Variants in FAM171B observed in about 807,000 individuals in gnomAD.
FAM171B encodes family with sequence similarity 171 member B, also known as protein FAM171B.
Under a neutral mutation model 75.6 loss-of-function variants are expected in FAM171B, and 19 were observed. That is an observed-to-expected ratio of 0.25 (90% confidence interval 0.18 to 0.37). FAM171B has a LOEUF of 0.37. Among genes scored for constraint, FAM171B ranks in the 10% least tolerant of loss-of-function variants. The pLI, the probability that FAM171B is intolerant of heterozygous loss-of-function variation, is 1.00. For missense variants in FAM171B, 848 were observed against 982.4 expected, an observed-to-expected ratio of 0.86 and a Z score of 1.83; for synonymous variants, 367 against 361.7, an observed-to-expected ratio of 1.01 and a Z score of -0.17.
intron 1 of FAM171B, among the ~76,000 whole-genome samples, chr2:186,696,015 G>C (rs558961035): frequency 6.6e-6 from 1 of 152,062 alleles, no homozygotes; most frequent in South Asian, 2.1e-4. Context: ...TATATGTTGT[G>C]ATTAGGGTTA....
At chr2:186,745,614 A>T (rs560106590) in intron 3 of FAM171B, among the ~76,000 whole-genome samples, 48 of 152,354 alleles carry the variant, frequency 3.2e-4, no homozygotes, top group Non-Finnish European at 6.2e-4. Context: ...AAAAATACAT[A>T]TCCTTACTGC....
intron 3 of FAM171B, among the ~76,000 whole-genome samples, chr2:186,744,236 T>C (rs555918552): frequency 6.6e-6 from 1 of 152,328 alleles, no homozygotes; most frequent in East Asian, 1.9e-4. Flanking sequence ...TTGTTTTGTA[T>C]TGGTAAATTC....
intron 2 of FAM171B, among the ~76,000 whole-genome samples, chr2:186,743,203 G>C (rs1043399777): frequency 6.6e-6 from 1 of 152,134 alleles, no homozygotes; most frequent in Non-Finnish European, 1.5e-5. Flanking sequence ...TGGGGTTACA[G>C]AACATCATTC....
At chr2:186,720,798 A>G (rs1220079044) in intron 1 of FAM171B, among the ~76,000 whole-genome samples, 1 of 152,002 alleles carries the variant, frequency 6.6e-6, no homozygotes, top group African/African-American at 2.4e-5. Context: ...AGACATTTCT[A>G]ATACGGGAAG....
At chr2:186,724,771 C>G (rs1189238888) in intron 1 of FAM171B, among the ~76,000 whole-genome samples, 1 of 151,996 alleles carries the variant, frequency 6.6e-6, no homozygotes, top group Non-Finnish European at 1.5e-5. Context: ...GAGAGCGTGC[C>G]TGGAGTGTTC....
intron 1 of FAM171B, among the ~76,000 whole-genome samples, chr2:186,708,000 G>T (rs1689756684): frequency 6.6e-6 from 1 of 151,932 alleles, no homozygotes; most frequent in Non-Finnish European, 1.5e-5. Context: ...TAGTTTGGAA[G>T]CCAGATCAGG....
intron 1 of FAM171B, among the ~76,000 whole-genome samples, chr2:186,726,899 T>C (rs1335004324): frequency 6.6e-6 from 1 of 152,194 alleles, no homozygotes; most frequent in Non-Finnish European, 1.5e-5. Context: ...TAAAATTTTT[T>C]ACCCAATACT....
intron 1 of FAM171B, among the ~76,000 whole-genome samples, chr2:186,717,947 A>G (rs1298949206): frequency 2.6e-5 from 4 of 152,138 alleles, no homozygotes. Context: ...GTCAGTGCCT[A>G]TCACCTTGAT....
At position 186,736,565 on chromosome 2, in the gene FAM171B, T is replaced by TGTGTGTGTGTGG. The variant is rs55956792; in HGVS notation, c.239-3662_239-3661insTGTGTGTGTGGG. On this transcript the variant is annotated intron_variant, in intron 1 of 7. Transcript: ENST00000304698. ...GTGTGTGTGTGTGTGTGTGTGTGTG[T>TGTGTGTGTGTGG]GGGAGAGAGAGAGAGAGAGAGAGAA... 6.2e-4 allele frequency among the ~76,000 whole-genome samples: 32 copies of TGTGTGTGTGTGG among 51,624 alleles called. 1 individual carries two copies. Among genetic ancestry groups the TGTGTGTGTGTGG allele is most frequent in the Admixed American group, 6.2e-3 (31 of 5,010 alleles). 33.9% of individuals were successfully genotyped at this position (51,624 alleles called of 152,430 possible).
intron 1 of FAM171B, among the ~76,000 whole-genome samples, chr2:186,697,268 G>C (rs1157281146): frequency 6.6e-6 from 1 of 152,070 alleles, no homozygotes; most frequent in African/African-American, 2.4e-5. Context: ...CCTACTTATT[G>C]GGTTTTGTGA....
chr2:186,721,757 G>A (rs1218509352), intron 1 of FAM171B, among the ~76,000 whole-genome samples: 1 of 151,928 alleles, frequency 6.6e-6, no homozygotes, highest in Non-Finnish European at 1.5e-5. Flanking sequence ...CATATAGTAG[G>A]TGCTTAATAA....
chr2:186,733,557 A>G (rs1312858071), intron 1 of FAM171B, among the ~76,000 whole-genome samples: 1 of 152,152 alleles, frequency 6.6e-6, no homozygotes, highest in African/African-American at 2.4e-5. Flanking sequence ...TTGGCCCAGG[A>G]GGCTGCATTC....
At chr2:186,743,066 A>G (rs1462667188) in intron 2 of FAM171B, among the ~76,000 whole-genome samples, 1 of 152,198 alleles carries the variant, frequency 6.6e-6, no homozygotes, top group Non-Finnish European at 1.5e-5. Context: ...TGAAAAGTGG[A>G]TATAGTTTAT....
intron 2 of FAM171B, among the ~76,000 whole-genome samples, 160 bp from the exon 3 acceptor site, chr2:186,743,323 T>C (rs1285765181): frequency 3.3e-5 from 5 of 152,152 alleles, no homozygotes; most frequent in Non-Finnish European, 1.5e-5. Context: ...TCCATCATAT[T>C]TTACATTCAT....
chr2:186,760,689 C>T lies in FAM171B; in HGVS notation c.1013-424C>T, dbSNP rs11681066. Among the ~76,000 whole-genome samples the T allele has an allele frequency of 7.4e-3, 1,118 of 152,010 alleles. 6 individuals are homozygous for T. The highest frequency in any genetic ancestry group is 0.021 in the South Asian group (99 of 4,804). On this transcript the variant is annotated intron_variant, in intron 6 of 7. Coordinates refer to ENST00000304698, the MANE Select transcript of FAM171B (RefSeq NM_177454.4). ...GCAGTAACAAACAACCCTGCTGTCTCGGTGGCTAACAGTATCAAACGCTTA... is the reference window on the plus strand; with the variant it reads ...GCAGTAACAAACAACCCTGCTGTCTTGGTGGCTAACAGTATCAAACGCTTA...
chr2:186,702,661 G>C (rs1033938843), intron 1 of FAM171B, among the ~76,000 whole-genome samples: 4 of 152,074 alleles, frequency 2.6e-5, no homozygotes, highest in Non-Finnish European at 5.9e-5. Flanking sequence ...GATTCAGAGT[G>C]CCATTTCAGG....
chr2:186,697,988 G>A (rs1025276207), intron 1 of FAM171B, among the ~76,000 whole-genome samples: 5 of 152,116 alleles, frequency 3.3e-5, no homozygotes, highest in African/African-American at 1.2e-4. Context: ...AAAGACTAAG[G>A]TTGGTATCCA....
chr2:186,751,779 CA>C lies in FAM171B; in HGVS notation c.895+476del. Among the ~76,000 whole-genome samples the C allele has an allele frequency of 3.3e-5, 5 of 152,226 alleles. 1 individual carries two copies. The highest frequency in any genetic ancestry group is 3.3e-4 in the Admixed American group (5 of 15,280). Reference sequence around the variant, plus strand: ...TTTCTGGGTTTCGCCTCCTAAATAGCAGCTGGAAATATATGTATATTTTCAT... The same window carrying C: ...TTTCTGGGTTTCGCCTCCTAAATAGCGCTGGAAATATATGTATATTTTCAT... On this transcript the variant is annotated intron_variant, in intron 5 of 7. Transcript: ENST00000304698.
intron 6 of FAM171B, among the ~76,000 whole-genome samples, chr2:186,760,497 G>C (rs776896990): frequency 2.0e-5 from 3 of 152,066 alleles, no homozygotes; most frequent in South Asian, 2.1e-4. Context: ...GCTCAAGTTA[G>C]TTAAAAATAT....
Sources: allele counts gnomAD v4.1 joint callset (sites outside exome capture counted in the v4.1 genomes callset), GRCh38; gene constraint gnomAD v4.1.1; transcripts MANE v1.5; gene names NCBI Gene and HGNC (gene_info 2026-07-23, HGNC 2026-07-21).